SCAND3: variants seen among roughly 807,000 people sequenced by gnomAD.
SCAND3 encodes the protein SCAN domain containing 3.
At chr6:28,600,123 A>G in the SCAND3 span, among the ~76,000 whole-genome samples, 8 of 152,330 alleles carry the variant, frequency 5.3e-5, no homozygotes, top group South Asian at 1.4e-3. Context: ...ATCTGGAAAA[A>G]AAAATAAGTT....
the SCAND3 span, chr6:28,572,041 G>A: frequency 4.3e-6 from 7 of 1,613,906 alleles, no homozygotes; most frequent in Admixed American, 1.7e-5. This position sits in a 1 kb window ranked among gnomAD's most constrained non-coding sequence, Gnocchi z 4.1. Flanking sequence ...AACACTTAAA[G>A]TAGAGAATCC....
the SCAND3 span, among the ~76,000 whole-genome samples, chr6:28,595,330 C>CAAAAAAAAAAAAAAAAAAA: frequency 5.4e-5 from 2 of 37,330 alleles, no homozygotes; most frequent in Admixed American, 3.7e-4. Flanking sequence ...AACCCAGTCT[C>CAAAAAAAAAAAAAAAAAAA]AAAAAAAAAA....
the SCAND3 span, chr6:28,590,115 G>A: frequency 1.3e-5 from 2 of 152,308 alleles, no homozygotes; most frequent in African/African-American, 4.8e-5. Flanking sequence ...CCGGACCTGG[G>A]CCTCGCCGCG....
At chr6:28,591,259 T>C in the SCAND3 span, 1 of 152,386 alleles carries the variant, frequency 6.6e-6, no homozygotes, top group Non-Finnish European at 1.5e-5. Flanking sequence ...GCAGCTGCTA[T>C]GAGGAGGCGG....
chr6:28,576,148 G>A, the SCAND3 span: 3 of 1,545,518 alleles, frequency 1.9e-6, no homozygotes, highest in South Asian at 1.3e-5. Flanking sequence ...TAAAAACAAA[G>A]GAAAAAAATC....
chr6:28,610,968 A>G, the SCAND3 span, among the ~76,000 whole-genome samples: 5 of 152,336 alleles, frequency 3.3e-5, no homozygotes, highest in East Asian at 9.6e-4. Flanking sequence ...AACTGAATAC[A>G]CTAAGTATAA....
At chr6:28,595,963 C>T in the SCAND3 span, among the ~76,000 whole-genome samples, 1 of 152,178 alleles carries the variant, frequency 6.6e-6, no homozygotes, top group East Asian at 1.9e-4. Context: ...TGTAACAGTC[C>T]AGAGGAGGGT....
chr6:28,600,108 A>G, the SCAND3 span, among the ~76,000 whole-genome samples: 16 of 152,304 alleles, frequency 1.1e-4, no homozygotes, highest in Admixed American at 9.8e-4. Context: ...CACCAAAAGC[A>G]AAACATCTGG....
At chr6:28,580,896 C>T in the SCAND3 span, among the ~76,000 whole-genome samples, 4 of 149,034 alleles carry the variant, frequency 2.7e-5, no homozygotes, top group African/African-American at 9.9e-5. Context: ...GTCTTAGAAC[C>T]GGGAGGAACT....
At chr6:28,588,882 G>A in the SCAND3 span, among the ~76,000 whole-genome samples, 5 of 152,222 alleles carry the variant, frequency 3.3e-5, no homozygotes, top group African/African-American at 9.6e-5. This position sits in a 1 kb window ranked among gnomAD's most constrained non-coding sequence, Gnocchi z 4.1. Context: ...TCTCGCTAAA[G>A]TGTGTTAAGA....
the SCAND3 span, among the ~76,000 whole-genome samples, chr6:28,611,585 C>CTAA: frequency 6.6e-6 from 1 of 152,220 alleles, no homozygotes; most frequent in Admixed American, 6.5e-5. Context: ...ACCATCTGAA[C>CTAA]TAATCTAACT....
At chr6:28,584,811 C>A in the SCAND3 span, among the ~76,000 whole-genome samples, 4 of 152,206 alleles carry the variant, frequency 2.6e-5, no homozygotes, top group African/African-American at 9.7e-5. Context: ...GCCTCGTCTG[C>A]ACAGACAGTT....
At chr6:28,585,765 T>TTTCTAA in the SCAND3 span, among the ~76,000 whole-genome samples, 2 of 152,232 alleles carry the variant, frequency 1.3e-5, no homozygotes, top group Admixed American at 6.5e-5. Flanking sequence ...TATACTCCTT[T>TTTCTAA]AGAAACAACT....
At chr6:28,576,284 G>C in the SCAND3 span, 8 of 651,574 alleles carry the variant, frequency 1.2e-5, no homozygotes, top group Non-Finnish European at 2.0e-5. Flanking sequence ...TTTTGAGACA[G>C]AGTCTCACTC....
chr6:28,603,254 G>C, the SCAND3 span, among the ~76,000 whole-genome samples: 3 of 152,174 alleles, frequency 2.0e-5, no homozygotes, highest in East Asian at 5.8e-4. Context: ...CACCGTGCCC[G>C]CCCAAAATAA....
At chr6:28,576,095 C>T in the SCAND3 span, 3 of 1,603,802 alleles carry the variant, frequency 1.9e-6, no homozygotes, top group Non-Finnish European at 2.6e-6. Flanking sequence ...AGGTTATCAC[C>T]ACCCATGCTT....
At chr6:28,612,874 C>A in the SCAND3 span, among the ~76,000 whole-genome samples, 1 of 152,202 alleles carries the variant, frequency 6.6e-6, no homozygotes, top group African/African-American at 2.4e-5. Context: ...TGGATATAGG[C>A]ACTTGTGTCA....
chr6:28,575,731 C>A, the SCAND3 span: 6 of 1,613,924 alleles, frequency 3.7e-6, no homozygotes, highest in African/African-American at 1.3e-5. This position sits in a 1 kb window ranked among gnomAD's most constrained non-coding sequence, Gnocchi z 4.2. Context: ...TTTCTCCATG[C>A]GAGTACGTCC....
At chr6:28,576,768 CTT>C in the SCAND3 span, among the ~76,000 whole-genome samples, 46 of 141,110 alleles carry the variant, frequency 3.3e-4, no homozygotes, top group East Asian at 4.1e-4. Flanking sequence ...TATGCAAAGA[CTT>C]TTTTTTTTTT....
Sources: gnomAD v4.1 joint callset for allele counts (sites outside exome capture counted in the v4.1 genomes callset) on GRCh38, gnomAD v4.1.1 for gene constraint, Gnocchi (gnomAD v3.1) non-coding constraint, MANE v1.5 for transcripts, NCBI Gene and HGNC (gene_info 2026-07-23, HGNC 2026-07-21) for gene names.